The following PPM1L variants were observed in gnomAD, a reference collection of about 807,000 sequenced individuals.
PPM1L encodes the protein protein phosphatase 1L.
In PPM1L, 13 loss-of-function variants were observed where a neutral mutation model predicts 31.4. That is an observed-to-expected ratio of 0.41 (90% CI 0.27 to 0.66). The LOEUF is 0.66. Ranked by LOEUF, PPM1L falls within the 30% of genes least tolerant of loss-of-function variation. The probability of loss-of-function intolerance (pLI) is 0.29; values close to 1 mark genes in which losing one functional copy is unlikely to be tolerated. For synonymous variants in PPM1L, 184 were observed against 175.4 expected, an observed-to-expected ratio of 1.05 and a Z score of -0.39; for missense variants, 326 against 453.7, an observed-to-expected ratio of 0.72 and a Z score of 2.56.
chr3:161,043,440 T>G (rs1718967387), intron 2 of PPM1L, among the ~76,000 whole-genome samples: 1 of 152,216 alleles, frequency 6.6e-6, no homozygotes, highest in Non-Finnish European at 1.5e-5. Flanking sequence ...AGTGTTCATT[T>G]AAACGTTTGG....
At chr3:160,886,562 C>T (rs949722123) in intron 1 of PPM1L, among the ~76,000 whole-genome samples, 1 of 152,108 alleles carries the variant, frequency 6.6e-6, no homozygotes, top group Non-Finnish European at 1.5e-5. Flanking sequence ...AGGAGCGAAC[C>T]AGATGAATAC....
intron 1 of PPM1L, among the ~76,000 whole-genome samples, chr3:160,862,386 A>G (rs956308914): frequency 1.3e-5 from 2 of 152,104 alleles, no homozygotes. Context: ...CAATTCAGGC[A>G]CTGAAATGCT....
chr3:160,834,850 A>G (rs1469293047), intron 1 of PPM1L, among the ~76,000 whole-genome samples: 2 of 152,052 alleles, frequency 1.3e-5, no homozygotes, highest in Non-Finnish European at 2.9e-5. Flanking sequence ...CATTTGGGAT[A>G]TTTCTAGTGT....
At chr3:160,783,190 C>T (rs1020692227) in intron 1 of PPM1L, among the ~76,000 whole-genome samples, 1 of 152,128 alleles carries the variant, frequency 6.6e-6, no homozygotes, top group African/African-American at 2.4e-5. Context: ...ACATCTGTGT[C>T]TTTTCAGGCA....
At chr3:160,902,359 T>G (rs1489918650) in intron 1 of PPM1L, among the ~76,000 whole-genome samples, 2 of 152,130 alleles carry the variant, frequency 1.3e-5, no homozygotes, top group African/African-American at 4.8e-5. Flanking sequence ...CATTTTCATC[T>G]AAAGGAACCC....
chr3:160,768,854 C>G (rs746354739), intron 1 of PPM1L, among the ~76,000 whole-genome samples: 1 of 152,182 alleles, frequency 6.6e-6, no homozygotes, highest in Non-Finnish European at 1.5e-5. Flanking sequence ...TCTAACAGCT[C>G]AATAACTTCA....
intron 1 of PPM1L, among the ~76,000 whole-genome samples, chr3:160,928,457 T>G (rs542477417): frequency 6.6e-6 from 1 of 152,340 alleles, no homozygotes; most frequent in South Asian, 2.1e-4. Context: ...GACAGGCGTT[T>G]TTCTCTAGTA....
intron 1 of PPM1L, among the ~76,000 whole-genome samples, chr3:160,880,814 TCTC>T: frequency 6.6e-6 from 1 of 152,278 alleles, no homozygotes; most frequent in South Asian, 2.1e-4. Flanking sequence ...CAAGTTAGAA[TCTC>T]CTATTTCCAC....
At chr3:160,918,190 C>T (rs1392831663) in intron 1 of PPM1L, among the ~76,000 whole-genome samples, 2 of 152,190 alleles carry the variant, frequency 1.3e-5, no homozygotes, top group African/African-American at 4.8e-5. Flanking sequence ...TTTATTTGCT[C>T]TTCTTTCCGA....
rs546120257 is a variant in PPM1L at position 160,949,685 on chromosome 3, T to G, written c.400-12051T>G. On this transcript the variant is annotated intron_variant, in intron 1 of 3. Transcript: ENST00000498165. The stretch of plus-strand genomic sequence containing the variant: ...GGACTAAGTGTCAGGGAGACCCACA[T>G]AGATGAAAAAGCTTCTGTCCTACCT... Among the ~76,000 whole-genome samples, 4 of 152,272 alleles carry G rather than the reference T, an allele frequency of 2.6e-5. No homozygotes were observed. The East Asian group carries it at 5.8e-4, about 22-fold the overall frequency.
chr3:161,078,547 C>G lies in PPM1L; in HGVS notation c.*9390C>G, dbSNP rs942002509. On this transcript the variant is annotated 3_prime_UTR_variant, in exon 4 of 4. Transcript: ENST00000498165. ...TCGTAAGTTATTTCCTGAAAACCATCCATGATAAATACAACAAGGCTTGGC... is the reference window on the plus strand; with the variant it reads ...TCGTAAGTTATTTCCTGAAAACCATGCATGATAAATACAACAAGGCTTGGC... 6.6e-6 allele frequency: 1 copy of G among 152,172 alleles called. No individual in the cohort carries two copies. The highest frequency in any genetic ancestry group is 1.5e-5 in the Non-Finnish European group (1 of 68,040). 9.4% of individuals were successfully genotyped at this position (152,172 alleles called of 1,614,324 possible). A position where few individuals can be genotyped will look rare whatever the true frequency, so the allele number is the denominator to read the frequency against.
intron 1 of PPM1L, among the ~76,000 whole-genome samples, chr3:160,926,707 A>G (rs985825624): frequency 1.3e-5 from 2 of 152,214 alleles, no homozygotes; most frequent in East Asian, 1.9e-4. Flanking sequence ...GGGCTCTGCT[A>G]TGAATATGCT....
rs142308878 is a variant in PPM1L at position 160,834,092 on chromosome 3, C to T, written c.399+77385C>T. On this transcript the variant is annotated intron_variant, in intron 1 of 3. Coordinates refer to ENST00000498165, the MANE Select transcript of PPM1L (RefSeq NM_139245.4). Reference sequence around the variant, plus strand: ...AGGCTGGAGTGCAGTGGCACAATCTCGGTTCACTGCAAGCTCCGCCTCCTG... The same window carrying T: ...AGGCTGGAGTGCAGTGGCACAATCTTGGTTCACTGCAAGCTCCGCCTCCTG... Among the ~76,000 whole-genome samples the T allele has an allele frequency of 2.2e-3, 329 of 148,156 alleles. 8 individuals are homozygous for T. The East Asian group carries it at 0.057, about 26-fold the overall frequency.
intron 1 of PPM1L, among the ~76,000 whole-genome samples, chr3:160,931,492 G>T (rs1447975911): frequency 6.6e-6 from 1 of 152,194 alleles, no homozygotes; most frequent in Non-Finnish European, 1.5e-5. Flanking sequence ...AATAGAGTTT[G>T]CTATCTAATG....
chr3:160,970,631 A>AT (rs1260420446), intron 2 of PPM1L, among the ~76,000 whole-genome samples: 2 of 150,428 alleles, frequency 1.3e-5, no homozygotes, highest in African/African-American at 4.9e-5. Context: ...TTTACTTTTT[A>AT]TTTTTTTGGT....
intron 2 of PPM1L, among the ~76,000 whole-genome samples, chr3:160,992,090 C>T (rs1045324286): frequency 1.3e-5 from 2 of 152,052 alleles, no homozygotes; most frequent in East Asian, 1.9e-4. Flanking sequence ...ACTAGCAAAG[C>T]CAGAATTCGA....
chr3:160,797,928 C>T (rs1712307756), intron 1 of PPM1L, among the ~76,000 whole-genome samples: 1 of 152,156 alleles, frequency 6.6e-6, no homozygotes, highest in Non-Finnish European at 1.5e-5. Flanking sequence ...GCCTGTAATC[C>T]CAGCACTTTG....
At position 161,069,623 on chromosome 3, in the gene PPM1L, C is replaced by G. The variant is rs1719848896; in HGVS notation, c.*466C>G. On this transcript the variant is annotated 3_prime_UTR_variant, in exon 4 of 4. Coordinates refer to ENST00000498165, the MANE Select transcript of PPM1L (RefSeq NM_139245.4). The stretch of plus-strand genomic sequence containing the variant: ...GGGCTGATGTGGCAACACCCTCTGC[C>G]AAGAGACAGAGCTGTCCTGAGAATG... 1 of 160,102 alleles carries G rather than the reference C, an allele frequency of 6.2e-6. No homozygotes were observed. The highest frequency in any genetic ancestry group is 1.8e-4 in the South Asian group (1 of 5,706). The allele number at this position is 160,102 out of a possible 1,614,324, so 9.9% of individuals were successfully genotyped here.
chr3:160,941,821 G>A (rs1715172665), intron 1 of PPM1L, among the ~76,000 whole-genome samples: 1 of 152,094 alleles, frequency 6.6e-6, no homozygotes, highest in South Asian at 2.1e-4. Flanking sequence ...AGCTCTTTGA[G>A]GTCAAGTACT....
Sources: gnomAD v4.1 joint callset for allele counts (sites outside exome capture counted in the v4.1 genomes callset) on GRCh38, gnomAD v4.1.1 for gene constraint, MANE v1.5 for transcripts, NCBI Gene and HGNC (gene_info 2026-07-23, HGNC 2026-07-21) for gene names.